Variants in LRRC66 observed in about 807,000 individuals in gnomAD.
LRRC66 encodes leucine rich repeat containing 66.
In LRRC66, 29 loss-of-function variants were observed where a neutral mutation model predicts 24.6. The observed-to-expected ratio is 1.18, with a 90% CI of 0.88 to 1.61. The LOEUF (loss-of-function observed/expected upper bound fraction) is 1.61, where lower values mean the gene tolerates loss of function less well. Among genes scored for constraint, LRRC66 ranks in the 40% most tolerant of loss-of-function variants. LRRC66 has a pLI of 0.00. For missense variants in LRRC66, 1,124 were observed against 1,058.0 expected (o/e 1.06, Z -0.87); for synonymous variants, 411 against 397.6 (o/e 1.03, Z -0.40).
chr4:52,000,825 T>C lies in LRRC66; in HGVS notation c.666+2398A>G, dbSNP rs945718378. The stretch of plus-strand genomic sequence containing the variant: ...ACTCCAGCCTTTGCCAACACTTTGA[T>C]TGCAGCCTCTTGAGAGAGCCTTAAG... On this transcript the variant is annotated intron_variant, in intron 3 of 4. Coordinates refer to ENST00000682860, the MANE Select transcript of LRRC66 (RefSeq NM_001024611.3). Among the ~76,000 whole-genome samples, 5 of 152,208 alleles carry C rather than the reference T, an allele frequency of 3.3e-5. No individual in the cohort carries two copies. The East Asian group carries it at 7.7e-4, about 23-fold the overall frequency.
intron 1 of LRRC66, chr4:52,017,863 C>T: frequency 1.0e-6 from 1 of 985,324 alleles, no homozygotes; most frequent in Non-Finnish European, 1.2e-6. Flanking sequence ...TCAGAAAATA[C>T]ATATTCAGTT....
In LRRC66 at chr4:51,995,565, T is replaced by C. The variant is rs1253764491; in HGVS notation, c.1457A>G (p.Gln486Arg). 1 of 1,614,080 alleles carries C rather than the reference T, an allele frequency of 6.2e-7. No individual in the cohort carries two copies. The highest frequency in any genetic ancestry group is 1.3e-5 in the African/African-American group (1 of 74,942). ...GRSRKDPGSS[Q>R]SPGQCGDNTG... ...GTTGTCCCCGCACTGTCCTGGGCTC[T>C]GCGAACTGCCAGGATCCTTTCTGCT... The change falls in exon 5 of 5, where the codon CAG becomes CGG. Residue 486 changes from glutamine to arginine, a missense_variant. Transcript: ENST00000682860.
At chr4:52,006,238 A>G in intron 2 of LRRC66, among the ~76,000 whole-genome samples, 1 of 152,208 alleles carries the variant, frequency 6.6e-6, no homozygotes, top group African/African-American at 2.4e-5. Context: ...GCTGCTATAA[A>G]GACACATGCA....
At chr4:52,005,028 C>T (rs1473367107) in intron 2 of LRRC66, among the ~76,000 whole-genome samples, 1 of 152,198 alleles carries the variant, frequency 6.6e-6, no homozygotes, top group African/African-American at 2.4e-5. Context: ...TGTTTGTTTG[C>T]ATGTCTATCA....
At chr4:51,997,345 A>T (rs1736343151) in intron 4 of LRRC66, among the ~76,000 whole-genome samples, 1 of 152,186 alleles carries the variant, frequency 6.6e-6, no homozygotes, top group South Asian at 2.1e-4. Flanking sequence ...TCTTTCTTTA[A>T]TAGATTATTT....
intron 1 of LRRC66, 38 bp from the exon 2 acceptor site, chr4:52,017,656 T>C (rs1736851833): frequency 4.1e-6 from 6 of 1,478,506 alleles, no homozygotes; most frequent in Non-Finnish European, 5.3e-6. Flanking sequence ...TTCACAATAA[T>C]ATATAAAAAC....
chr4:51,998,053 A>G (rs1325446673), intron 3 of LRRC66, 116 bp from the exon 4 acceptor site: 1 of 856,504 alleles, frequency 1.2e-6, no homozygotes, highest in Admixed American at 2.4e-5. Flanking sequence ...TGGATTTAAC[A>G]CTGGTTTACA....
chr4:52,003,184 G>A (rs1736493968), intron 3 of LRRC66, 39 bp downstream of exon 3: 6 of 1,514,146 alleles, frequency 4.0e-6, no homozygotes, highest in African/African-American at 1.4e-5. Flanking sequence ...TTGCCCATGT[G>A]TCTTCCTTAT....
rs1274528133 is a variant in LRRC66 at position 51,995,786 on chromosome 4, T to C, written c.1236A>G (p.Lys412=). The part of the protein sequence containing the change: ...DRLWQKKCQS[K]SPGLDNAYSN... ...AATACGCGTTGTCCAGGCCAGGGCTTTTGCTCTGGCACTTTTTTTGCCACA... is the reference window on the plus strand; with the variant it reads ...AATACGCGTTGTCCAGGCCAGGGCTCTTGCTCTGGCACTTTTTTTGCCACA... The change falls in exon 5 of 5, where the codon AAA becomes AAG. Residue 412 remains lysine (K), a synonymous_variant. Transcript: ENST00000682860. 6 of 1,613,978 alleles carry C rather than the reference T, an allele frequency of 3.7e-6. No homozygotes were observed. The highest frequency in any genetic ancestry group is 5.1e-6 in the Non-Finnish European group (6 of 1,180,034).
intron 3 of LRRC66, among the ~76,000 whole-genome samples, chr4:52,001,218 T>C (rs1736441287): frequency 6.6e-6 from 1 of 152,206 alleles, no homozygotes. Context: ...ATGTATAGCA[T>C]GTTATAAGTG....
Position 52,017,266 on chromosome 4 carries a change from G to A in LRRC66, c.348C>T (p.Leu116=), listed in dbSNP as rs1736835950. The A allele has an allele frequency of 1.2e-6, 2 of 1,614,060 alleles. No homozygotes were observed. Among genetic ancestry groups the A allele is most frequent in the African/African-American group, 1.3e-5 (1 of 74,936 alleles). The change falls in exon 2 of 5, where the codon CTC becomes CTT. Residue 116 remains leucine (L), a synonymous_variant. Transcript: ENST00000682860. ...AYLHALEVLN[L]SNNAIHSLSL... is the part of the protein sequence containing the mutation. ...AGAGGGAGTGGATGGCATTGTTGCT[G>A]AGGTTTAACACTTCCAAAGCATGTA...
intron 1 of LRRC66, chr4:52,018,582 ACTTTCCTT>A (rs1736871394): frequency 6.1e-6 from 6 of 985,300 alleles, no homozygotes; most frequent in Non-Finnish European, 7.2e-6. Flanking sequence ...CTGCCTCTTG[ACTTTCCTT>A]CTTTGTGATC....
In LRRC66 at chr4:52,017,136, GTTTA is replaced by G. The variant is rs764330468; in HGVS notation, c.474_477del (p.Lys159SerfsTer11). On this transcript the variant is annotated frameshift_variant, in exon 2 of 5. Transcript: ENST00000682860. LOFTEE classifies it high-confidence loss of function. The stretch of plus-strand genomic sequence containing the variant: ...TACTCACCCTTGGGAGTGTCACTGA[GTTTA>G]TTTCTTTGAAGAATGAGCACCTTCA... 1.2e-6 allele frequency: 2 copies of G among 1,613,556 alleles called. No homozygotes were observed. The highest frequency in any genetic ancestry group is 4.5e-5 in the East Asian group (2 of 44,894).
rs759313387 is a variant in LRRC66 at position 51,994,899 on chromosome 4, C to A, written c.2123G>T (p.Gly708Val). The change falls in exon 5 of 5, where the codon GGG (glycine) becomes GTG (valine). Residue 708 changes from glycine to valine, a missense_variant. Coordinates refer to ENST00000682860, the MANE Select transcript of LRRC66 (RefSeq NM_001024611.3). ...ELESDCDSDE[G>V]SLFTLSSISS... Reference sequence around the variant, plus strand: ...TATGGAGCTCAGAGTGAACAGAGACCCCTCATCAGAGTCACAGTCACTCTC... The same window carrying A: ...TATGGAGCTCAGAGTGAACAGAGACACCTCATCAGAGTCACAGTCACTCTC... 12 of 1,613,936 alleles carry A rather than the reference C, an allele frequency of 7.4e-6. No individual in the cohort carries two copies. The Admixed American group carries it at 2.0e-4, about 27-fold the overall frequency.
intron 1 of LRRC66, chr4:52,018,649 T>C: frequency 4.2e-6 from 4 of 947,102 alleles, no homozygotes; most frequent in Non-Finnish European, 3.8e-6. Flanking sequence ...ACGTATTTCC[T>C]ATATTATTCC....
At chr4:52,001,643 C>T (rs972775121) in intron 3 of LRRC66, among the ~76,000 whole-genome samples, 1 of 152,162 alleles carries the variant, frequency 6.6e-6, no homozygotes, top group Admixed American at 6.5e-5. Flanking sequence ...AAAAGTGAGA[C>T]ACAGAGAGAT....
In LRRC66 at chr4:52,003,338, A is replaced by G. The variant is rs1475767097; in HGVS notation, c.551T>C (p.Leu184Ser). The change falls in exon 3 of 5, where the codon TTG becomes TCG. Residue 184 changes from leucine to serine, a missense_variant. Physicochemically the swap from Leu to Ser is moderately radical, Grantham distance 145 (BLOSUM62 -2). Coordinates refer to ENST00000682860, the MANE Select transcript of LRRC66 (RefSeq NM_001024611.3). Reference protein sequence around the residue: ...QSLDLSFNGILQIGWSDFHNC... With the variant: ...QSLDLSFNGISQIGWSDFHNC... ...GTGAAAATCAGACCACCCTATTTGCAATATCCCATTGAATGACAGATCCAA... is the reference window on the plus strand; with the variant it reads ...GTGAAAATCAGACCACCCTATTTGCGATATCCCATTGAATGACAGATCCAA... The G allele has an allele frequency of 6.2e-7, 1 of 1,613,932 alleles. No homozygotes were observed. The highest frequency in any genetic ancestry group is 1.7e-5 in the Admixed American group (1 of 60,004).
At chr4:52,014,192 C>T (rs1490097586) in intron 2 of LRRC66, among the ~76,000 whole-genome samples, 5 of 152,082 alleles carry the variant, frequency 3.3e-5, no homozygotes, top group East Asian at 1.9e-4. Flanking sequence ...GCGGAGGTTG[C>T]GGGGAGCCGA....
At chr4:52,006,436 T>A (rs1331217260) in intron 2 of LRRC66, among the ~76,000 whole-genome samples, 1 of 150,844 alleles carries the variant, frequency 6.6e-6, no homozygotes, top group African/African-American at 2.4e-5. Context: ...TCATTCTCAG[T>A]AAACTATTGC....
Sources: allele counts gnomAD v4.1 joint callset (sites outside exome capture counted in the v4.1 genomes callset), GRCh38; gene constraint gnomAD v4.1.1; transcripts MANE v1.5; gene names NCBI Gene and HGNC (gene_info 2026-07-23, HGNC 2026-07-21).